ENTREP2: variants seen among roughly 807,000 people sequenced by gnomAD.
ENTREP2 encodes endosomal transmembrane epsin interactor 2.
the ENTREP2 span, among the ~76,000 whole-genome samples, chr15:29,413,064 T>C: frequency 6.6e-6 from 1 of 152,130 alleles, no homozygotes; most frequent in South Asian, 2.1e-4. Context: ...TTTCCAAATA[T>C]ATTAGGGTCA....
the ENTREP2 span, among the ~76,000 whole-genome samples, chr15:29,647,771 A>G: frequency 6.6e-6 from 1 of 152,116 alleles, no homozygotes; most frequent in African/African-American, 2.4e-5. Flanking sequence ...CCTCCAGAGG[A>G]CTCAATCCAC....
the ENTREP2 span, among the ~76,000 whole-genome samples, chr15:29,285,249 G>A: frequency 6.6e-6 from 1 of 152,134 alleles, no homozygotes; most frequent in East Asian, 1.9e-4. Flanking sequence ...CTGAAAAGTG[G>A]GGAGAGGAGA....
chr15:29,594,805 A>G, the ENTREP2 span, among the ~76,000 whole-genome samples: 1 of 152,018 alleles, frequency 6.6e-6, no homozygotes, highest in Non-Finnish European at 1.5e-5. Flanking sequence ...TCTACTAAAA[A>G]TTTAAAAATT....
the ENTREP2 span, among the ~76,000 whole-genome samples, chr15:29,585,687 T>G: frequency 6.6e-6 from 1 of 150,822 alleles, no homozygotes; most frequent in South Asian, 2.1e-4. Context: ...AAACCCCGTC[T>G]CTACTAAAAA....
chr15:29,157,570 A>C, the ENTREP2 span, among the ~76,000 whole-genome samples: 1 of 152,340 alleles, frequency 6.6e-6, no homozygotes, highest in Admixed American at 6.5e-5. Context: ...AAATGTCTTA[A>C]GGCTCAGCCA....
the ENTREP2 span, among the ~76,000 whole-genome samples, chr15:29,130,031 C>T: frequency 3.9e-5 from 6 of 152,116 alleles, no homozygotes; most frequent in South Asian, 4.2e-4. Flanking sequence ...CCTTATCTCC[C>T]GCCACTTCAA....
the ENTREP2 span, among the ~76,000 whole-genome samples, chr15:29,572,641 AC>A: frequency 6.6e-6 from 1 of 152,100 alleles, no homozygotes. Flanking sequence ...CAATAGCCTA[AC>A]AAATTAGTGA....
the ENTREP2 span, among the ~76,000 whole-genome samples, chr15:29,503,116 A>C: frequency 2.6e-5 from 4 of 152,152 alleles, no homozygotes; most frequent in Non-Finnish European, 5.9e-5. Flanking sequence ...ACAGTATTGA[A>C]AAGATATGTT....
At chr15:29,534,106 CAAAAAAAAAAAAAAA>C in the ENTREP2 span, among the ~76,000 whole-genome samples, 11 of 44,910 alleles carry the variant, frequency 2.4e-4, no homozygotes, top group South Asian at 1.9e-3. Context: ...GCCCCTTGGC[CAAAAAAAAAAAAAAA>C]AAAAAAAAAA....
At chr15:29,249,140 C>T in the ENTREP2 span, among the ~76,000 whole-genome samples, 3 of 151,988 alleles carry the variant, frequency 2.0e-5, no homozygotes, top group Non-Finnish European at 4.4e-5. Flanking sequence ...GAAACCTTGT[C>T]TCTACTACAG....
At chr15:29,152,772 A>G in the ENTREP2 span, among the ~76,000 whole-genome samples, 4 of 152,206 alleles carry the variant, frequency 2.6e-5, no homozygotes, top group African/African-American at 7.2e-5. Context: ...TTGTGTGAAC[A>G]TAAGTTTTTG....
At chr15:29,491,998 T>C in the ENTREP2 span, among the ~76,000 whole-genome samples, 127 of 152,146 alleles carry the variant, frequency 8.3e-4, 1 homozygote, top group East Asian at 0.017. Context: ...TTTTTTGCAA[T>C]CACACAGCAA....
the ENTREP2 span, among the ~76,000 whole-genome samples, chr15:29,148,219 G>A: frequency 6.6e-6 from 1 of 152,172 alleles, no homozygotes; most frequent in East Asian, 1.9e-4. Context: ...ATGGATTGTG[G>A]TGAAGGTTGT....
the ENTREP2 span, among the ~76,000 whole-genome samples, chr15:29,415,235 T>G: frequency 6.6e-6 from 1 of 152,144 alleles, no homozygotes; most frequent in Non-Finnish European, 1.5e-5. Flanking sequence ...TGATGAACAT[T>G]GATGCAAAAA....
At chr15:29,637,974 A>C in the ENTREP2 span, among the ~76,000 whole-genome samples, 1 of 152,188 alleles carries the variant, frequency 6.6e-6, no homozygotes, top group Non-Finnish European at 1.5e-5. Context: ...ACAGTGAAGA[A>C]GACCAAATGG....
At chr15:29,565,961 A>AG in the ENTREP2 span, among the ~76,000 whole-genome samples, 1 of 114,458 alleles carries the variant, frequency 8.7e-6, no homozygotes, top group Non-Finnish European at 2.0e-5. Flanking sequence ...GCTCTGTCTC[A>AG]AAAAAAAAAA....
At chr15:29,495,781 T>C in the ENTREP2 span, among the ~76,000 whole-genome samples, 999 of 152,256 alleles carry the variant, frequency 6.6e-3, 5 homozygotes, top group African/African-American at 0.023. Context: ...TCTGTTTTTA[T>C]GCCAGTAGCA....
chr15:29,649,020 T>C, the ENTREP2 span, among the ~76,000 whole-genome samples: 1 of 150,984 alleles, frequency 6.6e-6, no homozygotes, highest in African/African-American at 2.4e-5. Flanking sequence ...GTAGAACTAG[T>C]AGCCCTTACC....
the ENTREP2 span, chr15:29,123,741 G>A: frequency 2.9e-6 from 4 of 1,357,938 alleles, no homozygotes; most frequent in Non-Finnish European, 4.0e-6. Flanking sequence ...CTCGGGAGGA[G>A]CCTCCTGCTG....
Sources: gnomAD v4.1 joint callset for allele counts (sites outside exome capture counted in the v4.1 genomes callset) on GRCh38, gnomAD v4.1.1 for gene constraint, MANE v1.5 for transcripts, NCBI Gene and HGNC (gene_info 2026-07-23, HGNC 2026-07-21) for gene names.